CNTNAP5: variants seen among roughly 807,000 people sequenced by gnomAD.
The protein encoded by CNTNAP5 is contactin associated protein family member 5.
In CNTNAP5, 72 loss-of-function variants were observed where a neutral mutation model predicts 150.2. The ratio of observed to expected loss-of-function variants is 0.48; its 90% CI spans 0.40 to 0.58. The LOEUF is 0.58. CNTNAP5 is among the 20% of genes least tolerant of loss of function. The probability of loss-of-function intolerance (pLI) is 0.00; values close to 1 mark genes in which losing one functional copy is unlikely to be tolerated. For synonymous variants in CNTNAP5, 672 were observed against 619.8 expected, an observed-to-expected ratio of 1.08 and a Z score of -1.25; for missense variants, 1,636 against 1,626.2, an observed-to-expected ratio of 1.01 and a Z score of -0.10.
At chr2:124,183,379 A>T (rs946875697) in intron 1 of CNTNAP5, among the ~76,000 whole-genome samples, 3 of 152,172 alleles carry the variant, frequency 2.0e-5, no homozygotes, top group African/African-American at 7.2e-5. Flanking sequence ...TTCCATCTTA[A>T]CTATTTTTGA....
At chr2:124,879,684 C>T (rs758623188) in intron 21 of CNTNAP5, among the ~76,000 whole-genome samples, 7 of 152,094 alleles carry the variant, frequency 4.6e-5, no homozygotes, top group Admixed American at 6.6e-5. Flanking sequence ...TGTGAAGTGT[C>T]TGGCGCTTAG....
chr2:124,352,672 T>A (rs1185989646), intron 3 of CNTNAP5, among the ~76,000 whole-genome samples: 1 of 152,208 alleles, frequency 6.6e-6, no homozygotes, highest in Non-Finnish European at 1.5e-5. Context: ...TCATTTTTTT[T>A]AGCATCTGTA....
At chr2:124,717,876 G>T (rs1285885236) in intron 13 of CNTNAP5, among the ~76,000 whole-genome samples, 1 of 152,044 alleles carries the variant, frequency 6.6e-6, no homozygotes, top group Admixed American at 6.6e-5. Flanking sequence ...TTAATAAAAT[G>T]TTCAAAGGAG....
intron 4 of CNTNAP5, among the ~76,000 whole-genome samples, chr2:124,424,251 T>C (rs1203660570): frequency 2.6e-5 from 4 of 152,178 alleles, no homozygotes; most frequent in Admixed American, 6.5e-5. Context: ...TTGTCATACA[T>C]GGTAGAGGCC....
intron 21 of CNTNAP5, among the ~76,000 whole-genome samples, chr2:124,900,654 C>T (rs1678397510): frequency 6.6e-6 from 1 of 151,564 alleles, no homozygotes; most frequent in South Asian, 2.1e-4. Flanking sequence ...GTGATGTCCT[C>T]CAAGGACCTG....
Position 124,149,242 on chromosome 2 carries a change from C to T in CNTNAP5, c.83-72463C>T, listed in dbSNP as rs191689661. On this transcript the variant is annotated intron_variant, in intron 1 of 23. Coordinates refer to ENST00000682447, the MANE Select transcript of CNTNAP5 (RefSeq NM_001367498.1). ...CCTTCCAGTCATTACATTTTGGGTCCCTATATCTTATATTTAATTTTGATA... is the reference window on the plus strand; with the variant it reads ...CCTTCCAGTCATTACATTTTGGGTCTCTATATCTTATATTTAATTTTGATA... Among the ~76,000 whole-genome samples, 208 of 151,772 alleles carry T rather than the reference C, an allele frequency of 1.4e-3. 1 individual carries two copies. The highest frequency in any genetic ancestry group is 4.6e-3 in the African/African-American group (191 of 41,390).
chr2:124,035,029 C>G, intron 1 of CNTNAP5, among the ~76,000 whole-genome samples: 1 of 129,150 alleles, frequency 7.7e-6, no homozygotes, highest in African/African-American at 2.9e-5. Context: ...TCCCTTCCTT[C>G]CTTCCTTCTT....
intron 1 of CNTNAP5, among the ~76,000 whole-genome samples, chr2:124,067,691 T>A (rs961100454): frequency 6.6e-6 from 1 of 152,184 alleles, no homozygotes; most frequent in Non-Finnish European, 1.5e-5. Context: ...TAATTTCAAC[T>A]ATACTTTTTA....
intron 3 of CNTNAP5, among the ~76,000 whole-genome samples, chr2:124,376,175 T>C (rs1358761084): frequency 2.0e-5 from 3 of 152,066 alleles, no homozygotes; most frequent in Non-Finnish European, 4.4e-5. Context: ...TATACCAATA[T>C]AGAAAATGAA....
chr2:124,876,419 T>G (rs1677862147), intron 21 of CNTNAP5, among the ~76,000 whole-genome samples: 1 of 151,354 alleles, frequency 6.6e-6, no homozygotes, highest in Non-Finnish European at 1.5e-5. Context: ...GATCTAGTAA[T>G]GCCACCTCTT....
chr2:124,482,049 G>T (rs558012976), intron 7 of CNTNAP5, among the ~76,000 whole-genome samples: 1 of 152,122 alleles, frequency 6.6e-6, no homozygotes, highest in African/African-American at 2.4e-5. Flanking sequence ...TTAAAAAAAC[G>T]GGCTATGTAA....
intron 13 of CNTNAP5, among the ~76,000 whole-genome samples, chr2:124,674,798 T>G (rs1010262810): frequency 6.6e-6 from 1 of 152,032 alleles, no homozygotes; most frequent in Non-Finnish European, 1.5e-5. Context: ...CTTTTCAAGT[T>G]TAAATTGTTG....
At position 124,389,768 on chromosome 2, in the gene CNTNAP5, C is replaced by G. The variant is rs565954184; in HGVS notation, c.382-27675C>G. Among the ~76,000 whole-genome samples, 5 of 152,188 alleles carry G rather than the reference C, an allele frequency of 3.3e-5. No homozygotes were observed. The South Asian group carries it at 1.0e-3, about 32-fold the overall frequency. ...ATTGCTTTAGGCTAGAAGATTGAGA[C>G]AGTCTTGGCAATATAGCAAGACCCT... On this transcript the variant is annotated intron_variant, in intron 3 of 23. Coordinates refer to ENST00000682447, the MANE Select transcript of CNTNAP5 (RefSeq NM_001367498.1).
intron 11 of CNTNAP5, among the ~76,000 whole-genome samples, chr2:124,582,093 A>G (rs1298246764): frequency 3.3e-5 from 5 of 152,332 alleles, no homozygotes; most frequent in Non-Finnish European, 7.3e-5. Context: ...GAAAGACTAC[A>G]AATGGAAGTT....
intron 10 of CNTNAP5, among the ~76,000 whole-genome samples, chr2:124,531,197 C>G (rs1419424934): frequency 6.6e-6 from 1 of 151,986 alleles, no homozygotes; most frequent in African/African-American, 2.4e-5. Context: ...CTCACATGCA[C>G]AGTTCACAAT....
chr2:124,262,936 G>T (rs566423911), intron 3 of CNTNAP5, among the ~76,000 whole-genome samples: 17 of 151,904 alleles, frequency 1.1e-4, no homozygotes, highest in Non-Finnish European at 2.1e-4. Context: ...TGCTGAGAAT[G>T]ATGGTTTCCA....
intron 1 of CNTNAP5, among the ~76,000 whole-genome samples, chr2:124,172,952 G>A (rs963241851): frequency 6.6e-6 from 1 of 151,978 alleles, no homozygotes; most frequent in Non-Finnish European, 1.5e-5. Context: ...CAATCTATTG[G>A]CACCACCTTT....
At chr2:124,352,227 T>G (rs1689888905) in intron 3 of CNTNAP5, among the ~76,000 whole-genome samples, 1 of 152,130 alleles carries the variant, frequency 6.6e-6, no homozygotes, top group South Asian at 2.1e-4. Flanking sequence ...CACATTAAGT[T>G]GTATACTGGT....
At position 124,563,294 on chromosome 2, in the gene CNTNAP5, C is replaced by T; in HGVS notation, c.1727C>T (p.Thr576Ile). ...WTTFYCNCSD[T>I]SYTGATCHNS... is the part of the protein sequence containing the mutation. ...ACCTTCTATTGTAACTGCAGTGACA[C>T]AAGTTACACTGGTGCCACCTGCCAC... Residue 576 changes from threonine (T) to isoleucine (I), a missense_variant, in exon 11 of 24, where the codon ACA (threonine) becomes ATA (isoleucine). Physicochemically the swap from Thr to Ile is moderately conservative, Grantham distance 89. Coordinates refer to ENST00000682447, the MANE Select transcript of CNTNAP5 (RefSeq NM_001367498.1). The T allele has an allele frequency of 6.4e-7, 1 of 1,569,564 alleles. No homozygotes were observed. Among genetic ancestry groups the T allele is most frequent in the Non-Finnish European group, 8.7e-7 (1 of 1,156,038 alleles).
Sources: allele counts gnomAD v4.1 joint callset (sites outside exome capture counted in the v4.1 genomes callset), GRCh38; gene constraint gnomAD v4.1.1; transcripts MANE v1.5; gene names NCBI Gene and HGNC (gene_info 2026-07-23, HGNC 2026-07-21).